KLHL13: variants seen among roughly 807,000 people sequenced by gnomAD.
KLHL13 encodes the protein kelch-like protein 13.
In KLHL13, 10 loss-of-function variants were observed where a neutral mutation model predicts 37.1. The ratio of observed to expected loss-of-function variants is 0.27; its 90% CI spans 0.17 to 0.46. The LOEUF (loss-of-function observed/expected upper bound fraction) is 0.46, where lower values mean the gene tolerates loss of function less well. KLHL13 is among the 20% of genes least tolerant of loss of function. The probability of loss-of-function intolerance (pLI) is 1.00; values close to 1 mark genes in which losing one functional copy is unlikely to be tolerated. For missense variants in KLHL13, 360 were observed against 509.3 expected (o/e 0.71, Z 2.82); for synonymous variants, 163 against 181.2 (o/e 0.90, Z 0.81).
At chrX:118,104,960 A>G (rs1265722928) in intron 1 of KLHL13, among the ~76,000 whole-genome samples, 1 of 112,428 alleles carries the variant, frequency 8.9e-6, no homozygotes, top group Non-Finnish European at 1.9e-5. Flanking sequence ...AAGTCAAAAT[A>G]TTGTACACAA....
chrX:118,077,132 G>A (rs1368774551), intron 1 of KLHL13, among the ~76,000 whole-genome samples: 2 of 111,627 alleles, frequency 1.8e-5, no homozygotes, highest in Non-Finnish European at 3.8e-5. Flanking sequence ...TTCAGTGAAA[G>A]TGCTAAGACC....
intron 1 of KLHL13, among the ~76,000 whole-genome samples, chrX:118,040,180 A>G (rs2054492488): frequency 9.0e-6 from 1 of 111,560 alleles, no homozygotes; most frequent in South Asian, 3.8e-4. Flanking sequence ...AAATAAATAC[A>G]TAACTCTTCA....
intron 1 of KLHL13, among the ~76,000 whole-genome samples, chrX:117,991,426 A>G (rs2053788892): frequency 9.0e-6 from 1 of 111,072 alleles, no homozygotes; most frequent in African/African-American, 3.3e-5. Context: ...GAGTAAACAT[A>G]ATACTCCATC....
chrX:117,963,530 G>GTGTGCA (rs2053343399), intron 1 of KLHL13, among the ~76,000 whole-genome samples: 1 of 108,885 alleles, frequency 9.2e-6, no homozygotes, highest in Non-Finnish European at 1.9e-5. Flanking sequence ...ATAAACATAC[G>GTGTGCA]TGTGCATGTG....
intron 1 of KLHL13, among the ~76,000 whole-genome samples, chrX:118,022,583 G>A (rs1023143211): frequency 8.9e-6 from 1 of 111,908 alleles, no homozygotes; most frequent in African/African-American, 3.2e-5. Flanking sequence ...TCTCCCTGAT[G>A]ATGTGATGTT....
At chrX:118,115,845 TTGA>T (rs2055462500) in intron 1 of KLHL13, among the ~76,000 whole-genome samples, 1 of 112,627 alleles carries the variant, frequency 8.9e-6, no homozygotes, top group Non-Finnish European at 1.9e-5. Flanking sequence ...AGTTCCCTAG[TTGA>T]TATTTACTAA....
At chrX:117,979,918 TAAATA>T (rs769939778) in intron 1 of KLHL13, among the ~76,000 whole-genome samples, 1 of 112,098 alleles carries the variant, frequency 8.9e-6, no homozygotes, top group Admixed American at 9.5e-5. Context: ...CTACTTTGAG[TAAATA>T]AAATAGTCAA....
intron 1 of KLHL13, among the ~76,000 whole-genome samples, chrX:118,032,728 A>G (rs1187212823): frequency 8.9e-6 from 1 of 112,401 alleles, no homozygotes; most frequent in Admixed American, 9.4e-5. Context: ...GCAACGGAAC[A>G]AAGCTGGACG....
chrX:118,008,699 T>A (rs1415904504), intron 1 of KLHL13, among the ~76,000 whole-genome samples: 1 of 111,557 alleles, frequency 9.0e-6, no homozygotes, highest in Non-Finnish European at 1.9e-5. Flanking sequence ...GGAGTTTGCA[T>A]TCCAGGGAAG....
intron 1 of KLHL13, among the ~76,000 whole-genome samples, chrX:117,948,689 T>C (rs1194032545): frequency 9.0e-6 from 1 of 111,562 alleles, no homozygotes; most frequent in Non-Finnish European, 1.9e-5. Flanking sequence ...GTCTGCATAT[T>C]GCTTGCATGC....
chrX:118,080,996 G>A (rs901509217), intron 1 of KLHL13, among the ~76,000 whole-genome samples: 1 of 111,361 alleles, frequency 9.0e-6, no homozygotes, highest in Non-Finnish European at 1.9e-5. Context: ...AATCACAAGC[G>A]AATTAACACA....
chrX:117,941,553 G>A (rs1262938381), intron 2 of KLHL13, among the ~76,000 whole-genome samples: 2 of 111,310 alleles, frequency 1.8e-5, no homozygotes, highest in Non-Finnish European at 3.8e-5. Context: ...CTTCTTCCTA[G>A]TTTAGTCTTG....
In KLHL13 at chrX:117,937,942, G is replaced by A. The variant is rs970814278; in HGVS notation, c.240+7492C>T. On this transcript the variant is annotated intron_variant, in intron 2 of 6. Coordinates refer to ENST00000262820, the Ensembl canonical transcript of KLHL13. Reference sequence around the variant, plus strand: ...GTAAGCAACCAATAGTCTACTTTACGTCTATATAGATTTCTTTATTCTGGA... The same window carrying A: ...GTAAGCAACCAATAGTCTACTTTACATCTATATAGATTTCTTTATTCTGGA... Among the ~76,000 whole-genome samples the A allele has an allele frequency of 4.2e-4, 47 of 111,608 alleles. 1 individual carries two copies. The Admixed American group carries it at 4.4e-3, about 10-fold the overall frequency.
chrX:118,058,655 T>C (rs1356295092), intron 1 of KLHL13, among the ~76,000 whole-genome samples: 1 of 112,163 alleles, frequency 8.9e-6, no homozygotes, highest in Admixed American at 9.5e-5. Context: ...TAAAGCACAA[T>C]TTCTTTCATT....
At chrX:117,984,789 T>G (rs1351737663) in intron 1 of KLHL13, among the ~76,000 whole-genome samples, 1 of 110,836 alleles carries the variant, frequency 9.0e-6, no homozygotes, top group Non-Finnish European at 1.9e-5. Flanking sequence ...TTTCTTTGCT[T>G]TAAAATGCAT....
At chrX:118,088,465 C>A (rs970673277) in intron 1 of KLHL13, among the ~76,000 whole-genome samples, 1 of 111,799 alleles carries the variant, frequency 8.9e-6, no homozygotes, top group Non-Finnish European at 1.9e-5. Flanking sequence ...TTACCCTTAA[C>A]GCAAACAGGA....
At chrX:117,968,555 T>C (rs1180757081) in intron 1 of KLHL13, among the ~76,000 whole-genome samples, 2 of 111,878 alleles carry the variant, frequency 1.8e-5, no homozygotes, top group East Asian at 2.8e-4. Context: ...TTTTTCCACA[T>C]AATTTTGTTA....
In KLHL13 at chrX:117,993,898, G is replaced by A. The variant is rs1342797263; in HGVS notation, c.-55-48323C>T. On this transcript the variant is annotated intron_variant, in intron 1 of 6. Coordinates refer to the KLHL13 transcript ENST00000371882. ...ATTACAGGCATGTGCCACCACGCCC[G>A]GCTAATTTTGTATTTGTAGTAGAGA... Among the ~76,000 whole-genome samples the A allele has an allele frequency of 4.6e-5, 5 of 109,644 alleles. 1 individual carries two copies. The highest frequency in any genetic ancestry group is 2.9e-4 in the Admixed American group (3 of 10,342).
In KLHL13 at chrX:117,997,648, A is replaced by G. The variant is rs188596643; in HGVS notation, c.-55-52073T>C. Reference sequence around the variant, plus strand: ...GTGCCACAAACATTTAATAAATTGCAGGTAAGGTCCTTCAAGGTCAGATGA... The same window carrying G: ...GTGCCACAAACATTTAATAAATTGCGGGTAAGGTCCTTCAAGGTCAGATGA... On this transcript the variant is annotated intron_variant, in intron 1 of 6. Coordinates refer to the KLHL13 transcript ENST00000371882. Among the ~76,000 whole-genome samples, 150 of 112,025 alleles carry G rather than the reference A, an allele frequency of 1.3e-3. 2 individuals are homozygous for G. Among genetic ancestry groups the G allele is most frequent in the African/African-American group, 4.7e-3 (146 of 30,893 alleles).
Sources: gnomAD v4.1 joint callset for allele counts (sites outside exome capture counted in the v4.1 genomes callset) on GRCh38, gnomAD v4.1.1 for gene constraint, MANE v1.5 for transcripts, NCBI Gene and HGNC (gene_info 2026-07-23, HGNC 2026-07-21) for gene names.